The following NOX3 variants were observed in gnomAD, a reference collection of about 807,000 sequenced individuals.
NOX3 encodes NADPH oxidase catalytic subunit-like 3.
Under a neutral mutation model 76.7 loss-of-function variants are expected in NOX3, and 74 were observed. The observed-to-expected ratio is 0.96, with a 90% CI of 0.80 to 1.17. The LOEUF is 1.17. Ranked by LOEUF, NOX3 falls within the 50% of genes most tolerant of loss-of-function variation. NOX3 has a pLI of 0.00. For synonymous variants in NOX3, 263 were observed against 261.1 expected (o/e 1.01, Z -0.07); for missense variants, 695 against 703.3 (o/e 0.99, Z 0.13).
Position 155,416,484 on chromosome 6 carries a change from C to T in NOX3, c.1309-5124G>A, listed in dbSNP as rs1033329753. Among the ~76,000 whole-genome samples the T allele has an allele frequency of 1.3e-4, 20 of 152,154 alleles. No individual in the cohort carries two copies. The East Asian group carries it at 3.9e-3, about 29-fold the overall frequency. On this transcript the variant is annotated intron_variant, in intron 10 of 13. Transcript: ENST00000159060. ...TATTTCTTCTTAATGATAAGCCTAC[C>T]TAATGTGTAAAAGTTCTAGTTTAAA...
chr6:155,404,309 G>A (rs2114675963), intron 12 of NOX3, among the ~76,000 whole-genome samples: 1 of 152,228 alleles, frequency 6.6e-6, no homozygotes, highest in South Asian at 2.1e-4. Context: ...GAAGCACTGG[G>A]GGCCCTGGAG....
At chr6:155,423,114 G>T (rs1407368003) in intron 9 of NOX3, among the ~76,000 whole-genome samples, 1 of 152,186 alleles carries the variant, frequency 6.6e-6, no homozygotes, top group Non-Finnish European at 1.5e-5. Flanking sequence ...TCTCGCTATA[G>T]CTCAGGCCTC....
intron 12 of NOX3, among the ~76,000 whole-genome samples, chr6:155,401,147 C>A (rs1331033198): frequency 6.6e-6 from 1 of 152,074 alleles, no homozygotes; most frequent in Admixed American, 6.6e-5. Flanking sequence ...AGAAATTTTG[C>A]AGTATAATGA....
chr6:155,445,969 A>ATATATATGCTATATATATATAT (rs1380551108), intron 4 of NOX3, among the ~76,000 whole-genome samples: 46 of 96,674 alleles, frequency 4.8e-4, no homozygotes, highest in African/African-American at 1.8e-3. Flanking sequence ...ATATATATAT[A>ATATATATGCTATATATATATAT]ATATATATAT....
intron 10 of NOX3, among the ~76,000 whole-genome samples, chr6:155,418,900 GA>G (rs969926284): frequency 2.0e-5 from 3 of 151,542 alleles, no homozygotes; most frequent in Non-Finnish European, 2.9e-5. Flanking sequence ...ACACATGGAG[GA>G]AAAAAAAATC....
chr6:155,440,270 G>A, intron 5 of NOX3, 133 bp from the exon 6 acceptor site: 2 of 669,688 alleles, frequency 3.0e-6, no homozygotes, highest in East Asian at 2.9e-5. Flanking sequence ...CGTTCACAAT[G>A]TTTCACTCAG....
rs151015387 is a variant in NOX3 at position 155,414,562 on chromosome 6, G to A, written c.1309-3202C>T. Among the ~76,000 whole-genome samples the A allele has an allele frequency of 2.3e-4, 34 of 149,020 alleles. 1 individual carries two copies. The East Asian group carries it at 6.4e-3, about 28-fold the overall frequency. ...ATAACAAAAGTTCTGAACTTTCATA[G>A]TAATAAAATTATTTTTTTTTACAGG... On this transcript the variant is annotated intron_variant, in intron 10 of 13. Coordinates refer to ENST00000159060, the MANE Select transcript of NOX3 (RefSeq NM_015718.3).
intron 4 of NOX3, among the ~76,000 whole-genome samples, chr6:155,445,889 A>ATATATATATTATATATATGC (rs746459596): frequency 3.0e-5 from 3 of 98,436 alleles, no homozygotes; most frequent in Admixed American, 1.5e-4. Context: ...TATATATGCT[A>ATATATATATTATATATATGC]TATATATATA....
rs1413467246 is a variant in NOX3 at position 155,445,874 on chromosome 6, AT to A, written c.341-2457del. Among the ~76,000 whole-genome samples the A allele has an allele frequency of 6.6e-5, 8 of 120,496 alleles. No individual in the cohort carries two copies. In the East Asian group the frequency reaches 3.9e-3, roughly 58 times the overall value. 79.1% of individuals were successfully genotyped at this position (120,496 alleles called of 152,430 possible). A position where few individuals can be genotyped will look rare whatever the true frequency, so the allele number is the denominator to read the frequency against. On this transcript the variant is annotated intron_variant, in intron 4 of 13. Transcript: ENST00000159060. ...GTTTTCTCTGCTGACATATACATAT[AT>A]ATATATATATGCTATATATATATAT...
At chr6:155,411,095 G>T in intron 11 of NOX3, 119 bp downstream of exon 11, 1 of 737,282 alleles carries the variant, frequency 1.4e-6, no homozygotes, top group Non-Finnish European at 2.0e-6. Context: ...TCCCTTTTAA[G>T]AACATAAAAA....
At chr6:155,431,413 A>AACACACACACACACACAC (rs61041630) in intron 7 of NOX3, among the ~76,000 whole-genome samples, 191 of 144,704 alleles carry the variant, frequency 1.3e-3, no homozygotes, top group East Asian at 0.013. Flanking sequence ...TAAACACAGA[A>AACACACACACACACACAC]ACACACACAC....
At chr6:155,418,645 A>G (rs1776650775) in intron 10 of NOX3, among the ~76,000 whole-genome samples, 2 of 151,144 alleles carry the variant, frequency 1.3e-5, no homozygotes, top group African/African-American at 4.9e-5. Context: ...ATTTTAAGAC[A>G]TCAGCTTCAA....
At chr6:155,423,592 T>C (rs1046926449) in intron 9 of NOX3, among the ~76,000 whole-genome samples, 1 of 152,196 alleles carries the variant, frequency 6.6e-6, no homozygotes, top group Non-Finnish European at 1.5e-5. Flanking sequence ...TTCTTTTCCA[T>C]CACTCATCAC....
chr6:155,411,600 C>T (rs1776553204), intron 10 of NOX3, among the ~76,000 whole-genome samples: 1 of 152,140 alleles, frequency 6.6e-6, no homozygotes, highest in African/African-American at 2.4e-5. Context: ...GTGGGCCGTG[C>T]CAGTTTCTCT....
chr6:155,414,623 C>CTCTT (rs1776600270), intron 10 of NOX3, among the ~76,000 whole-genome samples: 2 of 113,790 alleles, frequency 1.8e-5, no homozygotes, highest in African/African-American at 6.7e-5. Context: ...TCTTTTCTTT[C>CTCTT]TTTTTTTTTT....
chr6:155,450,963 C>T (rs1224101761), intron 4 of NOX3, among the ~76,000 whole-genome samples: 1 of 152,064 alleles, frequency 6.6e-6, no homozygotes. Flanking sequence ...TGACAATAAT[C>T]TGCACATCTC....
chr6:155,429,749 C>G (rs1776808056), intron 8 of NOX3, among the ~76,000 whole-genome samples: 1 of 152,146 alleles, frequency 6.6e-6, no homozygotes, highest in Non-Finnish European at 1.5e-5. Context: ...TCTCCAGGCC[C>G]TCCTGTCTTC....
chr6:155,398,397 A>G (rs972035218), intron 12 of NOX3, among the ~76,000 whole-genome samples: 1 of 152,154 alleles, frequency 6.6e-6, no homozygotes, highest in Admixed American at 6.5e-5. Flanking sequence ...GGAAGTGCCT[A>G]TAGAGCCTAG....
intron 11 of NOX3, among the ~76,000 whole-genome samples, chr6:155,410,325 G>A (rs1005563246): frequency 2.0e-5 from 3 of 150,090 alleles, no homozygotes; most frequent in Non-Finnish European, 3.0e-5. Context: ...GTGTGCGCAC[G>A]CATGTGTGTG....
Sources: allele counts gnomAD v4.1 joint callset (sites outside exome capture counted in the v4.1 genomes callset), GRCh38; gene constraint gnomAD v4.1.1; transcripts MANE v1.5; gene names NCBI Gene and HGNC (gene_info 2026-07-23, HGNC 2026-07-21).